Variants in CEP128 observed in about 807,000 individuals in gnomAD.
CEP128 encodes the protein centrosomal protein 128kDa.
CEP128 carries 132 observed loss-of-function variants against 156.7 expected under a neutral mutation model. The ratio of observed to expected loss-of-function variants is 0.84; its 90% CI spans 0.73 to 0.97. The LOEUF is 0.97. CEP128 is among the 50% of genes least tolerant of loss of function. The pLI is 0.00. For synonymous variants in CEP128, 469 were observed against 448.9 expected, an observed-to-expected ratio of 1.04 and a Z score of -0.57; for missense variants, 1,252 against 1,281.9, an observed-to-expected ratio of 0.98 and a Z score of 0.36.
chr14:80,758,721 T>C (rs2139673528), intron 17 of CEP128, among the ~76,000 whole-genome samples: 1 of 152,226 alleles, frequency 6.6e-6, no homozygotes, highest in South Asian at 2.1e-4. Context: ...TTTGTGAACA[T>C]GTTACTAAAA....
downstream of CEP128, among the ~76,000 whole-genome samples, chr14:80,489,210 T>C (rs149846198): frequency 0.019 from 2,642 of 139,404 alleles, 30 homozygotes; most frequent in Non-Finnish European, 0.029. Context: ...TTTCCCCTAG[T>C]AAAAGTAAAC....
At chr14:80,767,609 A>G (rs1203163367) in intron 16 of CEP128, among the ~76,000 whole-genome samples, 1 of 152,136 alleles carries the variant, frequency 6.6e-6, no homozygotes, top group Non-Finnish European at 1.5e-5. Flanking sequence ...TAAAAGTCCA[A>G]TAACACACCC....
At chr14:80,559,360 G>T in intron 20 of CEP128, 58 bp from the exon 21 acceptor site, 1 of 1,392,286 alleles carries the variant, frequency 7.2e-7, no homozygotes, top group Non-Finnish European at 9.9e-7. Context: ...ATTGTTTCAA[G>T]TTTACTTAAT....
chr14:80,561,240 T>C (rs563868426), intron 20 of CEP128, among the ~76,000 whole-genome samples: 2 of 152,366 alleles, frequency 1.3e-5, no homozygotes, highest in African/African-American at 2.4e-5. Context: ...AGACTGTTTC[T>C]AGCAATATAA....
At position 80,624,509 on chromosome 14, in the gene CEP128, T is replaced by C. The variant is rs547122029; in HGVS notation, c.2807-44086A>G. ...TTTTTTGTGGAACTTCCGTACTGTT[T>C]TCCATAATGGAGGTATTAATTTACA... On this transcript the variant is annotated intron_variant, in intron 19 of 24. Coordinates refer to ENST00000555265, the MANE Select transcript of CEP128 (RefSeq NM_152446.5). Among the ~76,000 whole-genome samples, 23 of 152,316 alleles carry C rather than the reference T, an allele frequency of 1.5e-4. No homozygotes were observed. The South Asian group carries it at 4.6e-3, about 30-fold the overall frequency.
At chr14:80,509,819 T>A (rs765137539) in intron 23 of CEP128, among the ~76,000 whole-genome samples, 6 of 152,156 alleles carry the variant, frequency 3.9e-5, no homozygotes, top group Non-Finnish European at 8.8e-5. Flanking sequence ...GAGGTATACA[T>A]TCTAGTTTCA....
At chr14:80,861,730 A>G (rs1010416650) in intron 9 of CEP128, among the ~76,000 whole-genome samples, 4 of 152,236 alleles carry the variant, frequency 2.6e-5, no homozygotes, top group Admixed American at 2.6e-4. Flanking sequence ...CTACTGTAGT[A>G]GCAAAATTTG....
chr14:80,574,698 A>AT (rs1288542862), intron 20 of CEP128, among the ~76,000 whole-genome samples: 1 of 152,034 alleles, frequency 6.6e-6, no homozygotes, highest in Non-Finnish European at 1.5e-5. Flanking sequence ...GGTATATTCT[A>AT]TTTTTTTCCT....
At chr14:80,535,326 G>A (rs1425988579) in intron 21 of CEP128, among the ~76,000 whole-genome samples, 1 of 152,180 alleles carries the variant, frequency 6.6e-6, no homozygotes, top group Non-Finnish European at 1.5e-5. Context: ...GAAATGGCAA[G>A]GTTCTTATTA....
intron 1 of CEP128, among the ~76,000 whole-genome samples, chr14:80,939,865 G>T (rs1042895490): frequency 3.9e-5 from 6 of 152,192 alleles, no homozygotes; most frequent in African/African-American, 1.4e-4. Context: ...TGGTAACTAA[G>T]TCAGGTAATA....
intron 19 of CEP128, among the ~76,000 whole-genome samples, chr14:80,741,649 G>C (rs1357443815): frequency 6.6e-6 from 1 of 152,082 alleles, no homozygotes; most frequent in African/African-American, 2.4e-5. Flanking sequence ...TATTAACTCT[G>C]AGATGGCATT....
intron 19 of CEP128, among the ~76,000 whole-genome samples, chr14:80,617,104 CTA>C (rs1893245090): frequency 3.3e-5 from 5 of 150,108 alleles, no homozygotes; most frequent in African/African-American, 1.2e-4. Flanking sequence ...ACATTTGGAA[CTA>C]AGTAAACCAG....
At chr14:80,582,492 G>A (rs1193068734) in intron 19 of CEP128, among the ~76,000 whole-genome samples, 1 of 152,004 alleles carries the variant, frequency 6.6e-6, no homozygotes, top group Admixed American at 6.6e-5. Context: ...TTTATTCTGG[G>A]CTCCTCTAAA....
In CEP128 at chr14:80,899,967, A is replaced by G. The variant is rs767238900; in HGVS notation, c.543T>C (p.Asp181=). The part of the protein sequence containing the change: ...LSSEQIRLGD[D]FNRELSRRSR... ...TCCTTCTGGAAAGCTCCCTGTTGAA[A>G]TCATCTCCAAGGCGAATTTGTTCAC... The change falls in exon 7 of 25, where the codon GAT becomes GAC. Residue 181 remains aspartate, a synonymous_variant. Coordinates refer to ENST00000555265, the MANE Select transcript of CEP128 (RefSeq NM_152446.5). 3.7e-5 allele frequency: 59 copies of G among 1,613,730 alleles called. 1 individual carries two copies. In the South Asian group the frequency reaches 5.9e-4, roughly 16 times the overall value.
chr14:80,921,681 C>T (rs1451612544), intron 2 of CEP128, among the ~76,000 whole-genome samples: 3 of 151,880 alleles, frequency 2.0e-5, no homozygotes, highest in Non-Finnish European at 4.4e-5. Flanking sequence ...AATAACAGTC[C>T]GGCCGGGCGC....
chr14:80,566,470 A>T (rs1014213707), intron 20 of CEP128, among the ~76,000 whole-genome samples: 4 of 152,186 alleles, frequency 2.6e-5, no homozygotes, highest in Non-Finnish European at 5.9e-5. Context: ...ATCATCACAC[A>T]CAAAAGGTCA....
chr14:80,910,357 G>C (rs954411399), intron 4 of CEP128, among the ~76,000 whole-genome samples: 3 of 152,204 alleles, frequency 2.0e-5, no homozygotes, highest in Non-Finnish European at 4.4e-5. Context: ...GTGGAGCCTG[G>C]TGAGAGGTCA....
intron 19 of CEP128, among the ~76,000 whole-genome samples, chr14:80,623,810 T>C (rs979877731): frequency 2.2e-4 from 33 of 152,166 alleles, no homozygotes; most frequent in African/African-American, 7.5e-4. Flanking sequence ...AATGTAATAA[T>C]TGTACACATT....
chr14:80,775,245 G>A lies in CEP128; in HGVS notation c.2376+2637C>T, dbSNP rs553102363. Among the ~76,000 whole-genome samples the A allele has an allele frequency of 1.3e-3, 193 of 152,238 alleles. 1 individual carries two copies. The highest frequency in any genetic ancestry group is 4.5e-3 in the African/African-American group (186 of 41,552). On this transcript the variant is annotated intron_variant, in intron 16 of 24. Transcript: ENST00000555265. ...TTTTAAATAACTTGCCTAAAGCCAC[G>A]CAGGTAGGAAAGAATTCAAAGTTTT...
Sources: allele counts gnomAD v4.1 joint callset (sites outside exome capture counted in the v4.1 genomes callset), GRCh38; gene constraint gnomAD v4.1.1; transcripts MANE v1.5; gene names NCBI Gene and HGNC (gene_info 2026-07-23, HGNC 2026-07-21).